VPS35: variants seen among roughly 807,000 people sequenced by gnomAD.
VPS35 encodes vacuolar protein sorting-associated protein 35.
A neutral mutation model predicts 98.1 loss-of-function variants in VPS35; 21 were observed. That is an observed-to-expected ratio of 0.21 (90% CI 0.15 to 0.31). The LOEUF (loss-of-function observed/expected upper bound fraction) is 0.31. VPS35 is among the 10% of genes least tolerant of loss of function. The pLI is 1.00. For synonymous variants in VPS35, 268 were observed against 318.2 expected, an observed-to-expected ratio of 0.84 and a Z score of 1.68; for missense variants, 554 against 950.8, an observed-to-expected ratio of 0.58 and a Z score of 5.49.
At chr16:46,664,679 A>T (rs1206322054) in intron 13 of VPS35, among the ~76,000 whole-genome samples, 1 of 151,210 alleles carries the variant, frequency 6.6e-6, no homozygotes, top group East Asian at 1.9e-4. Context: ...GCGCCACCAC[A>T]CCCAGCTAAT....
intron 6 of VPS35, among the ~76,000 whole-genome samples, chr16:46,678,305 TAAAAAAAAAAAAA>T (rs58288436): frequency 4.2e-5 from 5 of 119,356 alleles, no homozygotes; most frequent in Admixed American, 8.3e-5. Flanking sequence ...TGATGAGCTT[TAAAAAAAAAAAAA>T]AAAAAAAAAA....
chr16:46,664,501 T>C (rs1345390074), intron 13 of VPS35, among the ~76,000 whole-genome samples: 2 of 151,078 alleles, frequency 1.3e-5, no homozygotes, highest in African/African-American at 4.9e-5. Context: ...TCAAGTAATT[T>C]GTATCTAATT....
rs1369621676 is a variant in VPS35 at position 46,680,863 on chromosome 16, T to G, written c.324-10A>C. Reference sequence around the variant, plus strand: ...TGTGATCAAAAGGTAACTAGGAAAATTATGAAGAAATGCTGATTAGAAATA... The same window carrying G: ...TGTGATCAAAAGGTAACTAGGAAAAGTATGAAGAAATGCTGATTAGAAATA... On this transcript the variant is annotated splice_polypyrimidine_tract_variant and intron_variant, in intron 4 of 16. Coordinates refer to ENST00000299138, the MANE Select transcript of VPS35 (RefSeq NM_018206.6). The G allele has an allele frequency of 6.2e-7, 1 of 1,612,006 alleles. No homozygotes were observed. The highest frequency in any genetic ancestry group is 2.2e-5 in the East Asian group (1 of 44,828).
At position 46,671,733 on chromosome 16, in the gene VPS35, C is replaced by A; in HGVS notation, c.1496G>T (p.Arg499Leu). 1 of 1,614,146 alleles carries A rather than the reference C, an allele frequency of 6.2e-7. No individual in the cohort carries two copies. Among genetic ancestry groups the A allele is most frequent in the African/African-American group, 1.3e-5 (1 of 75,056 alleles). ...GTACTGCTGGTCAGGGTCCTCAGAG[C>A]GCAGCAGATGAATGAAGCGGCCCAC... ...SLVGRFIHLL[R>L]SEDPDQQYLI... Residue 499 changes from arginine to leucine, a missense_variant, in exon 12 of 17, where the codon CGC becomes CTC. Arg to Leu is a moderately radical substitution (Grantham distance 102). Around this residue, in one of 5 missense-constraint regions of VPS35, gnomAD observed 254 missense variants for 390.1 expected, o/e 0.65. Transcript: ENST00000299138.
chr16:46,679,994 A>T (rs185121521), intron 5 of VPS35, among the ~76,000 whole-genome samples: 11 of 152,276 alleles, frequency 7.2e-5, no homozygotes, highest in Admixed American at 7.2e-4. Context: ...ATTAAAAATT[A>T]AAAAAAGAAA....
chr16:46,664,971 T>C (rs936621647), intron 13 of VPS35, among the ~76,000 whole-genome samples: 1 of 152,366 alleles, frequency 6.6e-6, no homozygotes, highest in East Asian at 1.9e-4. Context: ...GAATGTTCTA[T>C]ATACACTAAG....
At chr16:46,660,911 T>G (rs1052015855) in intron 16 of VPS35, 8 of 465,874 alleles carry the variant, frequency 1.7e-5, no homozygotes, top group Middle Eastern at 6.6e-4. Context: ...TTTGGGAGGC[T>G]GAGGTGGGCA....
At chr16:46,678,904 ATC>A (rs1966191500) in intron 6 of VPS35, 37 bp downstream of exon 6, 1 of 1,590,866 alleles carries the variant, frequency 6.3e-7, no homozygotes. Flanking sequence ...ATTTCAGTTT[ATC>A]TCTGAACATA....
chr16:46,662,701 G>C (rs1965931362), intron 14 of VPS35, among the ~76,000 whole-genome samples: 1 of 152,124 alleles, frequency 6.6e-6, no homozygotes, highest in Non-Finnish European at 1.5e-5. Context: ...GTTTAACCCA[G>C]GGTTCCCAAA....
At chr16:46,665,843 C>A (rs995045962) in intron 13 of VPS35, among the ~76,000 whole-genome samples, 1 of 151,768 alleles carries the variant, frequency 6.6e-6, no homozygotes, top group Admixed American at 6.6e-5. Context: ...CAGGCTGGAG[C>A]GCAAAAGCAC....
At chr16:46,673,033 G>A (rs945143783) in intron 10 of VPS35, among the ~76,000 whole-genome samples, 1 of 152,128 alleles carries the variant, frequency 6.6e-6, no homozygotes. Flanking sequence ...CTCTTTAGAG[G>A]TTGTTATTTC....
rs1438790266 is a variant in VPS35 at position 46,680,741 on chromosome 16, C to A, written c.436G>T (p.Gly146Cys). Residue 146 changes from glycine (G) to cysteine (C), a missense_variant, in exon 5 of 17, where the codon GGT becomes TGT. Physicochemically the swap from Gly to Cys is radical, Grantham distance 159. Transcript: ENST00000299138. ...AGAAGGTAATTTCGAAGAAACAGAC[C>A]CCTCAAGGGATGTTGCACACCACGG... ...MCRGVQHPLR[G>C]LFLRNYLLQC... 1.9e-6 allele frequency: 3 copies of A among 1,613,942 alleles called. No individual in the cohort carries two copies. Among genetic ancestry groups the A allele is most frequent in the Non-Finnish European group, 1.7e-6 (2 of 1,179,946 alleles).
At position 46,658,621 on chromosome 16, in the gene VPS35, T is replaced by C. The variant is rs1482472240; in HGVS notation, c.*1851A>G. 6.5e-6 allele frequency: 1 copy of C among 153,122 alleles called. No individual in the cohort carries two copies. The highest frequency in any genetic ancestry group is 1.9e-4 in the East Asian group (1 of 5,200). The allele number at this position is 153,122 out of a possible 1,614,324, so 9.5% of individuals were successfully genotyped here. A position where few individuals can be genotyped will look rare whatever the true frequency, so the allele number is the denominator to read the frequency against. On this transcript the variant is annotated 3_prime_UTR_variant, in exon 17 of 17. Transcript: ENST00000299138. Reference sequence around the variant, plus strand: ...ACTCATGTCTTTTCTACTATTCCAGTTGTATTTCACAAAACATGTAAATAA... The same window carrying C: ...ACTCATGTCTTTTCTACTATTCCAGCTGTATTTCACAAAACATGTAAATAA...
chr16:46,667,991 C>T (rs1470723872), intron 13 of VPS35, among the ~76,000 whole-genome samples: 7 of 152,124 alleles, frequency 4.6e-5, no homozygotes, highest in African/African-American at 1.4e-4. Flanking sequence ...TATCCATAAA[C>T]GCTGGTAAAG....
chr16:46,666,573 AT>A (rs1206788598), intron 13 of VPS35, among the ~76,000 whole-genome samples: 1 of 152,008 alleles, frequency 6.6e-6, no homozygotes, highest in Non-Finnish European at 1.5e-5. Context: ...TGGCCTTTTT[AT>A]TTTTTAATAG....
chr16:46,678,473 A>T (rs1966184983), intron 6 of VPS35, among the ~76,000 whole-genome samples: 1 of 152,218 alleles, frequency 6.6e-6, no homozygotes. Context: ...GGTCCCTCAC[A>T]GGTAAAGTTT....
Position 46,684,717 on chromosome 16 carries a change from CATA to C in VPS35, c.4-1114_4-1112del, listed in dbSNP as rs1221942894. Reference sequence around the variant, plus strand: ...TTGGGATCCAACACACTGCTTGATACATAATATGCTCCACAAATGTTCACTGCA... The same window carrying C: ...TTGGGATCCAACACACTGCTTGATACATATGCTCCACAAATGTTCACTGCA... On this transcript the variant is annotated intron_variant, in intron 1 of 16. Transcript: ENST00000299138. Among the ~76,000 whole-genome samples, 18 of 152,138 alleles carry C rather than the reference CATA, an allele frequency of 1.2e-4. 1 individual carries two copies. Among genetic ancestry groups the C allele is most frequent in the Admixed American group, 3.3e-4 (5 of 15,268 alleles).
At chr16:46,670,307 G>T (rs1405072733) in intron 12 of VPS35, among the ~76,000 whole-genome samples, 1 of 152,066 alleles carries the variant, frequency 6.6e-6, no homozygotes, top group African/African-American at 2.4e-5. Context: ...TTTTGAGACG[G>T]AGTTTCACTC....
At chr16:46,662,534 G>A (rs1364330075) in intron 14 of VPS35, 52 bp from the exon 15 acceptor site, 17 of 1,605,972 alleles carry the variant, frequency 1.1e-5, no homozygotes, top group Non-Finnish European at 1.4e-5. Context: ...TCCTCTAGTT[G>A]AGCATTTTCC....
Sources: allele counts gnomAD v4.1 joint callset (sites outside exome capture counted in the v4.1 genomes callset), GRCh38; gene constraint gnomAD v4.1.1; regional missense constraint gnomAD v4.1.1; transcripts MANE v1.5; gene names NCBI Gene and HGNC (gene_info 2026-07-23, HGNC 2026-07-21).